WWOX: variants seen among roughly 807,000 people sequenced by gnomAD.
WWOX encodes WW domain containing oxidoreductase.
WWOX carries 69 observed loss-of-function variants against 46.2 expected under a neutral mutation model. That is an observed-to-expected ratio of 1.49 (90% CI 1.23 to 1.82). The LOEUF (loss-of-function observed/expected upper bound fraction) is 1.82, where lower values mean the gene tolerates loss of function less well. Among genes scored for constraint, WWOX ranks in the 40% most tolerant of loss-of-function variants. The pLI is 0.00. For synonymous variants in WWOX, 359 were observed against 202.6 expected (o/e 1.77, Z -6.56); for missense variants, 919 against 542.6 (o/e 1.69, Z -6.89).
intron 5 of WWOX, among the ~76,000 whole-genome samples, chr16:78,189,683 C>T (rs1261196285): frequency 6.6e-6 from 1 of 152,082 alleles, no homozygotes; most frequent in East Asian, 1.9e-4. Flanking sequence ...GAGTTGGAGT[C>T]TTGCTGTGTC....
intron 5 of WWOX, among the ~76,000 whole-genome samples, chr16:78,187,392 C>T (rs370662129): frequency 6.6e-6 from 1 of 152,162 alleles, no homozygotes; most frequent in Non-Finnish European, 1.5e-5. Context: ...AGGCAGATCA[C>T]TTGAGGTCGG....
At chr16:78,122,904 G>T (rs1179237358) in intron 4 of WWOX, among the ~76,000 whole-genome samples, 1 of 151,712 alleles carries the variant, frequency 6.6e-6, no homozygotes, top group Admixed American at 6.6e-5. Context: ...CATGCCCGGG[G>T]GTGTTGTACA....
chr16:78,965,505 G>T (rs1032076386), intron 8 of WWOX, among the ~76,000 whole-genome samples: 1 of 151,822 alleles, frequency 6.6e-6, no homozygotes. Flanking sequence ...GGAAAGTAGC[G>T]GTTGCAGTGA....
chr16:78,460,700 T>C (rs1303075129), intron 8 of WWOX, among the ~76,000 whole-genome samples: 1 of 152,206 alleles, frequency 6.6e-6, no homozygotes, highest in Non-Finnish European at 1.5e-5. Context: ...AAGAGTAGAC[T>C]TGACCACTTT....
chr16:78,821,320 G>C (rs9940043), intron 8 of WWOX, among the ~76,000 whole-genome samples: 38,153 of 152,034 alleles, frequency 0.25, 5,151 homozygotes, highest in African/African-American at 0.32. Context: ...ATGATGGAGG[G>C]TGGGTCGGAA....
chr16:78,824,129 G>GT (rs1309393491), intron 8 of WWOX, among the ~76,000 whole-genome samples: 3 of 152,002 alleles, frequency 2.0e-5, no homozygotes, highest in Admixed American at 6.6e-5. Context: ...TTGAAATAAA[G>GT]TTTTTAAAAA....
intron 8 of WWOX, among the ~76,000 whole-genome samples, chr16:78,843,996 C>T (rs1017432031): frequency 1.9e-4 from 29 of 152,074 alleles, no homozygotes; most frequent in African/African-American, 6.5e-4. Context: ...ATGATGTATT[C>T]AACATGCTCT....
intron 8 of WWOX, among the ~76,000 whole-genome samples, chr16:78,770,073 C>T (rs1440056083): frequency 2.6e-5 from 4 of 151,446 alleles, no homozygotes; most frequent in East Asian, 2.0e-4. Context: ...AAGAGTAGGT[C>T]GGGCATGGTG....
At chr16:78,648,072 T>C (rs2046884539) in intron 8 of WWOX, among the ~76,000 whole-genome samples, 1 of 152,216 alleles carries the variant, frequency 6.6e-6, no homozygotes, top group African/African-American at 2.4e-5. Context: ...AGAACAGGTG[T>C]GTGCCACCTT....
At chr16:78,400,382 G>A (rs920494978) in intron 6 of WWOX, among the ~76,000 whole-genome samples, 1 of 152,154 alleles carries the variant, frequency 6.6e-6, no homozygotes, top group African/African-American at 2.4e-5. Flanking sequence ...CTGAGAGACT[G>A]ACAGGGCGGT....
chr16:79,028,225 A>C (rs900392437), intron 8 of WWOX, among the ~76,000 whole-genome samples: 1 of 151,800 alleles, frequency 6.6e-6, no homozygotes, highest in Non-Finnish European at 1.5e-5. Context: ...CTGGGATTAC[A>C]GGCGTGAGCC....
At chr16:78,425,938 A>G (rs375130407) in intron 7 of WWOX, among the ~76,000 whole-genome samples, 2 of 152,206 alleles carry the variant, frequency 1.3e-5, no homozygotes, top group South Asian at 2.1e-4. Flanking sequence ...TTATTTTTTT[A>G]ATCATACTTC....
In WWOX at chr16:78,589,337, T is replaced by C. The variant is rs145833607; in HGVS notation, c.1056+156585T>C. ...TAGTCCTCCTTGATGGGGGGACACA[T>C]GCCAGCCAGGTTACCTGATTCATCT... On this transcript the variant is annotated intron_variant, in intron 8 of 8. Transcript: ENST00000566780. 4.4e-4 allele frequency among the ~76,000 whole-genome samples: 67 copies of C among 152,240 alleles called. 1 individual carries two copies. Among genetic ancestry groups the C allele is most frequent in the African/African-American group, 1.5e-3 (64 of 41,462 alleles).
chr16:78,784,903 A>G (rs1046540767), intron 8 of WWOX, among the ~76,000 whole-genome samples: 4 of 152,184 alleles, frequency 2.6e-5, no homozygotes, highest in African/African-American at 9.7e-5. Context: ...ATCTGTGGTC[A>G]TACTCACAAC....
At chr16:78,152,052 T>C (rs980107107) in intron 4 of WWOX, among the ~76,000 whole-genome samples, 3 of 152,036 alleles carry the variant, frequency 2.0e-5, no homozygotes, top group Admixed American at 2.0e-4. Context: ...TAGCCGGGTG[T>C]GGTGGCGGGC....
At chr16:78,905,943 G>C (rs1282901935) in intron 8 of WWOX, among the ~76,000 whole-genome samples, 6 of 152,146 alleles carry the variant, frequency 3.9e-5, no homozygotes, top group Non-Finnish European at 7.4e-5. Flanking sequence ...ATTAATTAAA[G>C]GACCCAAGAG....
intron 8 of WWOX, among the ~76,000 whole-genome samples, chr16:79,036,730 G>A (rs949961513): frequency 6.6e-6 from 1 of 152,196 alleles, no homozygotes; most frequent in Admixed American, 6.5e-5. Flanking sequence ...TGTCTGCAGT[G>A]AGCGAAGGAT....
intron 8 of WWOX, among the ~76,000 whole-genome samples, chr16:78,822,569 A>G (rs1005284623): frequency 1.3e-5 from 2 of 152,176 alleles, no homozygotes; most frequent in Non-Finnish European, 1.5e-5. Context: ...CTAGAATTCT[A>G]AATATTTTAT....
chr16:78,315,446 C>T (rs60513899), intron 5 of WWOX, among the ~76,000 whole-genome samples: 2,822 of 152,028 alleles, frequency 0.019, 106 homozygotes, highest in African/African-American at 0.065. Flanking sequence ...GTTAGGAGTT[C>T]GAGACCAGCC....
Sources: gnomAD v4.1 joint callset for allele counts (sites outside exome capture counted in the v4.1 genomes callset) on GRCh38, gnomAD v4.1.1 for gene constraint, MANE v1.5 for transcripts, NCBI Gene and HGNC (gene_info 2026-07-23, HGNC 2026-07-21) for gene names.